Variants in CAMK1G observed in about 807,000 individuals in gnomAD.
CAMK1G encodes calcium/calmodulin-dependent protein kinase type 1G.
Under a neutral mutation model 54.8 loss-of-function variants are expected in CAMK1G, and 27 were observed. The ratio of observed to expected loss-of-function variants is 0.49; its 90% CI spans 0.36 to 0.68. The LOEUF is 0.68. Among genes scored for constraint, CAMK1G ranks in the 30% least tolerant of loss-of-function variants. The pLI is 0.00. For synonymous variants in CAMK1G, 238 were observed against 224.9 expected, an observed-to-expected ratio of 1.06 and a Z score of -0.52; for missense variants, 512 against 591.0, an observed-to-expected ratio of 0.87 and a Z score of 1.39.
At chr1:209,608,077 A>T (rs1665695503) in intron 7 of CAMK1G, 144 bp downstream of exon 7, 1 of 302,514 alleles carries the variant, frequency 3.3e-6, no homozygotes, top group African/African-American at 6.7e-5. Flanking sequence ...ACGGGTACAC[A>T]CACACACACA....
chr1:209,594,433 G>C (rs953121469), intron 1 of CAMK1G, among the ~76,000 whole-genome samples: 3 of 152,206 alleles, frequency 2.0e-5, no homozygotes, highest in African/African-American at 7.2e-5. Context: ...TTAGATTTTC[G>C]TGAATAACTA....
chr1:209,608,881 GC>G, intron 7 of CAMK1G, 98 bp from the exon 8 acceptor site: 1 of 1,501,826 alleles, frequency 6.7e-7, no homozygotes, highest in Non-Finnish European at 9.0e-7. Flanking sequence ...GACCTTCAGT[GC>G]CCACCTGTGT....
intron 10 of CAMK1G, 106 bp from the exon 11 acceptor site, chr1:209,611,686 G>C: frequency 1.3e-6 from 2 of 1,491,356 alleles, no homozygotes; most frequent in Non-Finnish European, 9.1e-7. Context: ...TCTGAAATGA[G>C]AAGTGGGCAC....
At chr1:209,603,109 C>T in intron 3 of CAMK1G, 105 bp from the exon 4 acceptor site, 6 of 951,186 alleles carry the variant, frequency 6.3e-6, no homozygotes, top group Admixed American at 2.0e-5. Context: ...TCTTCCTAAA[C>T]ATTGCCATCA....
At chr1:209,594,364 A>G (rs12144092) in intron 1 of CAMK1G, among the ~76,000 whole-genome samples, 7 of 152,256 alleles carry the variant, frequency 4.6e-5, no homozygotes, top group Non-Finnish European at 7.4e-5. Flanking sequence ...ATATTGGTTA[A>G]CTGTTGAATA....
chr1:209,584,317 C>T (rs1665039474), intron 1 of CAMK1G, among the ~76,000 whole-genome samples: 1 of 152,168 alleles, frequency 6.6e-6, no homozygotes, highest in Admixed American at 6.5e-5. Context: ...CTCTGCAAGC[C>T]TAAGGAAGAC....
In CAMK1G at chr1:209,584,784, A is replaced by G. The variant is rs1178218063; in HGVS notation, c.-30+1012A>G. Among the ~76,000 whole-genome samples the G allele has an allele frequency of 2.0e-5, 3 of 152,202 alleles. 1 individual carries two copies. The highest frequency in any genetic ancestry group is 4.4e-5 in the Non-Finnish European group (3 of 68,028). ...AAGAAGATGATCTTTTCCAGATCAT[A>G]AGCTGAAGACAGAACAAGGTCCCTG... is the stretch of plus-strand genomic sequence containing the variant. On this transcript the variant is annotated intron_variant, in intron 1 of 12. Coordinates refer to ENST00000361322, the MANE Select transcript of CAMK1G (RefSeq NM_020439.3).
chr1:209,585,788 G>A (rs1665082319), intron 1 of CAMK1G, among the ~76,000 whole-genome samples: 1 of 152,224 alleles, frequency 6.6e-6, no homozygotes. Flanking sequence ...CCACACGAGT[G>A]CGCGCGAGTG....
At chr1:209,589,388 C>T (rs1020483043) in intron 1 of CAMK1G, among the ~76,000 whole-genome samples, 1 of 152,234 alleles carries the variant, frequency 6.6e-6, no homozygotes, top group Non-Finnish European at 1.5e-5. Context: ...CCACCCTCTC[C>T]TGCTGCTGTG....
At chr1:209,598,308 C>T (rs1274814862) in intron 2 of CAMK1G, among the ~76,000 whole-genome samples, 1 of 152,156 alleles carries the variant, frequency 6.6e-6, no homozygotes, top group African/African-American at 2.4e-5. Context: ...TGCTCAGCAC[C>T]CTGGCCTCTG....
intron 3 of CAMK1G, among the ~76,000 whole-genome samples, 157 bp downstream of exon 3, chr1:209,600,268 T>G (rs1001297106): frequency 1.1e-4 from 17 of 150,424 alleles, no homozygotes; most frequent in Non-Finnish European, 1.9e-4. Flanking sequence ...CTAAGTTTAG[T>G]CGGACAGCTG....
intron 2 of CAMK1G, among the ~76,000 whole-genome samples, chr1:209,598,235 T>C (rs1468775256): frequency 1.3e-5 from 2 of 152,238 alleles, no homozygotes; most frequent in Non-Finnish European, 2.9e-5. Flanking sequence ...CTTCAGAGCC[T>C]GCCTCAGAGA....
At chr1:209,603,396 G>T (rs1462289502) in intron 4 of CAMK1G, 108 bp downstream of exon 4, 4 of 823,488 alleles carry the variant, frequency 4.9e-6, no homozygotes, top group Admixed American at 2.3e-5. Context: ...AGACAAAAAT[G>T]AAGACTTCAT....
Position 209,594,936 on chromosome 1 carries a change from C to T in CAMK1G, c.-29-19C>T, listed in dbSNP as rs776972870. 7.1e-5 allele frequency: 108 copies of T among 1,525,154 alleles called. No individual in the cohort carries two copies. The highest frequency in any genetic ancestry group is 9.4e-5 in the Non-Finnish European group (104 of 1,108,226). The allele number at this position is 1,525,154 out of a possible 1,614,324, so 94.5% of individuals were successfully genotyped here. A position where few individuals can be genotyped will look rare whatever the true frequency, so the allele number is the denominator to read the frequency against. ...ACCAGACCTTTTTTCTCCTCCTTCT[C>T]CCACTCCCTGCAATAAAGCATCCTC... On this transcript the variant is annotated intron_variant, in intron 1 of 12. Coordinates refer to ENST00000361322, the MANE Select transcript of CAMK1G (RefSeq NM_020439.3).
intron 7 of CAMK1G, among the ~76,000 whole-genome samples, chr1:209,608,243 T>A (rs1431184039): frequency 1.3e-5 from 2 of 152,148 alleles, no homozygotes; most frequent in Non-Finnish European, 2.9e-5. Context: ...ATGTGTTGCA[T>A]CCCACTCAGT....
chr1:209,592,298 T>TCACAC (rs1665276336), intron 1 of CAMK1G, among the ~76,000 whole-genome samples: 1 of 136,726 alleles, frequency 7.3e-6, no homozygotes, highest in Non-Finnish European at 1.5e-5. Flanking sequence ...TAAGGAATGA[T>TCACAC]CACACCACTG....
chr1:209,610,408 C>G (rs1291553158), intron 9 of CAMK1G, among the ~76,000 whole-genome samples: 1 of 152,068 alleles, frequency 6.6e-6, no homozygotes, highest in Non-Finnish European at 1.5e-5. Context: ...ACAATAGCTC[C>G]CCACTTCATA....
chr1:209,599,744 TG>T (rs2102388040), intron 2 of CAMK1G, among the ~76,000 whole-genome samples: 1 of 152,350 alleles, frequency 6.6e-6, no homozygotes, highest in Non-Finnish European at 1.5e-5. Context: ...ATATTTCACT[TG>T]GGTGTTATCT....
chr1:209,599,469 G>A (rs181161225), intron 2 of CAMK1G, among the ~76,000 whole-genome samples: 55 of 152,330 alleles, frequency 3.6e-4, no homozygotes, highest in African/African-American at 1.3e-3. Context: ...AGAGATAGAT[G>A]TAGAAAGATG....
Sources: allele counts gnomAD v4.1 joint callset (sites outside exome capture counted in the v4.1 genomes callset), GRCh38; gene constraint gnomAD v4.1.1; transcripts MANE v1.5; gene names NCBI Gene and HGNC (gene_info 2026-07-23, HGNC 2026-07-21).